Variants in UBA6 observed in about 807,000 individuals in gnomAD.
UBA6 encodes the protein ubiquitin like modifier activating enzyme 6.
A neutral mutation model predicts 148.3 loss-of-function variants in UBA6; 87 were observed. The ratio of observed to expected loss-of-function variants is 0.59; its 90% confidence interval spans 0.49 to 0.70. UBA6 has a LOEUF of 0.70. Ranked by LOEUF, UBA6 falls within the 30% of genes least tolerant of loss-of-function variation. The pLI is 0.00. For synonymous variants in UBA6, 376 were observed against 401.0 expected, an observed-to-expected ratio of 0.94 and a Z score of 0.75; for missense variants, 1,186 against 1,241.2, an observed-to-expected ratio of 0.96 and a Z score of 0.67.
At chr4:67,677,096 G>C (rs149635941) in intron 6 of UBA6, among the ~76,000 whole-genome samples, 1 of 152,302 alleles carries the variant, frequency 6.6e-6, no homozygotes, top group East Asian at 1.9e-4. Context: ...CTTTAGGCTT[G>C]ATAACATTGA....
chr4:67,668,161 TCTCCCTG>T (rs1730054731), intron 9 of UBA6, among the ~76,000 whole-genome samples: 1 of 152,210 alleles, frequency 6.6e-6, no homozygotes, highest in Non-Finnish European at 1.5e-5. Context: ...TGAGCTTAAT[TCTCCCTG>T]CCAGCCCTGC....
At chr4:67,665,927 A>G (rs577837376) in intron 9 of UBA6, among the ~76,000 whole-genome samples, 3 of 152,298 alleles carry the variant, frequency 2.0e-5, no homozygotes, top group South Asian at 4.1e-4. Context: ...AACAACCATA[A>G]AAGAAAATAT....
In UBA6 at chr4:67,668,597, T is replaced by G. The variant is rs763438976; in HGVS notation, c.747A>C (p.Glu249Asp). The change falls in exon 9 of 33, where the codon GAA (glutamate) becomes GAC (aspartate). Residue 249 changes from glutamate (E) to aspartate (D), a missense_variant. Glu to Asp is a conservative substitution (Grantham distance 45). Transcript: ENST00000322244. ...CATTTAAACCTGTCATTCCATTAAT[T>G]TCTCGAAATGTTAGGAATTGTCCTG... is the stretch of plus-strand genomic sequence containing the variant. The part of the protein sequence containing the change: ...LETGQFLTFR[E>D]INGMTGLNGS... The G allele has an allele frequency of 1.2e-6, 2 of 1,613,136 alleles. No individual in the cohort carries two copies. The highest frequency in any genetic ancestry group is 1.7e-6 in the Non-Finnish European group (2 of 1,179,196).
intron 2 of UBA6, among the ~76,000 whole-genome samples, chr4:67,692,728 A>G (rs1415303993): frequency 6.6e-6 from 1 of 152,160 alleles, no homozygotes; most frequent in Non-Finnish European, 1.5e-5. Context: ...AACATCTCAA[A>G]TTCAGCTTCT....
intron 3 of UBA6, 65 bp from the exon 4 acceptor site, chr4:67,681,656 G>A (rs529673976): frequency 9.0e-7 from 1 of 1,107,726 alleles, no homozygotes; most frequent in South Asian, 1.5e-5. Flanking sequence ...TGTCTTCACA[G>A]AGCTTAGTCA....
rs146349248 is a variant in UBA6, at chr4:67,688,498, A to C, written c.135-6285T>G. Reference sequence around the variant, plus strand: ...AACCCCTCTGAGAGAGACAGAATGCAGAATACTATCAGAGGCAGTCCAAAA... The same window carrying C: ...AACCCCTCTGAGAGAGACAGAATGCCGAATACTATCAGAGGCAGTCCAAAA... On this transcript the variant is annotated intron_variant, in intron 2 of 32. Coordinates refer to ENST00000322244, the MANE Select transcript of UBA6 (RefSeq NM_018227.6). Among the ~76,000 whole-genome samples the C allele has an allele frequency of 1.4e-4, 22 of 152,220 alleles. No homozygotes were observed. The East Asian group carries it at 4.2e-3, about 29-fold the overall frequency.
Position 67,648,636 on chromosome 4 carries a change from A to G in UBA6, c.1248+432T>C, listed in dbSNP as rs543352400. On this transcript the variant is annotated intron_variant, in intron 14 of 32. Transcript: ENST00000322244. Reference sequence around the variant, plus strand: ...TTCCATCTTGTGATGTTCATACCCCATGTAACTCTAAAACCTGTACCACTC... The same window carrying G: ...TTCCATCTTGTGATGTTCATACCCCGTGTAACTCTAAAACCTGTACCACTC... Among the ~76,000 whole-genome samples, 19 of 152,252 alleles carry G rather than the reference A, an allele frequency of 1.2e-4. No homozygotes were observed. The East Asian group carries it at 3.3e-3, about 26-fold the overall frequency.
At chr4:67,686,816 T>C (rs1182379725) in intron 2 of UBA6, among the ~76,000 whole-genome samples, 1 of 151,356 alleles carries the variant, frequency 6.6e-6, no homozygotes, top group African/African-American at 2.4e-5. Flanking sequence ...TAGCCAGGTG[T>C]GGTGGCACAC....
rs747921675 is a variant in UBA6 at position 67,634,293 on chromosome 4, T to C, written c.1962A>G (p.Ser654=). The change falls in exon 22 of 33, where the codon TCA becomes TCG. Residue 654 remains serine, a synonymous_variant. Transcript: ENST00000322244. Reference sequence around the variant, plus strand: ...AGGTTTGCCAAAATTTGTTAAACAATGAAGGTTTGTGGGAAAAGGAACTTT... The same window carrying C: ...AGGTTTGCCAAAATTTGTTAAACAACGAAGGTTTGTGGGAAAAGGAACTTT... The part of the protein sequence containing the change: ...KFESSFSHKP[S]LFNKFWQTYS... 6.3e-7 allele frequency: 1 copy of C among 1,595,372 alleles called. No individual in the cohort carries two copies. The highest frequency in any genetic ancestry group is 8.5e-7 in the Non-Finnish European group (1 of 1,175,132).
intron 19 of UBA6, among the ~76,000 whole-genome samples, chr4:67,636,300 T>A (rs1431922267): frequency 6.6e-6 from 1 of 152,150 alleles, no homozygotes; most frequent in African/African-American, 2.4e-5. Context: ...GTTATGAAAA[T>A]CACCATAGGA....
At chr4:67,634,390 C>A (rs778705204) in intron 21 of UBA6, 39 bp downstream of exon 21, 2 of 1,555,646 alleles carry the variant, frequency 1.3e-6, no homozygotes, top group South Asian at 2.5e-5. Context: ...TATCTTCTTT[C>A]TCACTTCAAA....
chr4:67,622,690 G>T, intron 32 of UBA6, 141 bp downstream of exon 32: 1 of 593,636 alleles, frequency 1.7e-6, no homozygotes, highest in Non-Finnish European at 2.8e-6. Context: ...TCACCTGGCA[G>T]ATTCACTGTC....
chr4:67,689,083 G>A (rs985206010), intron 2 of UBA6, among the ~76,000 whole-genome samples: 1 of 152,040 alleles, frequency 6.6e-6, no homozygotes, highest in Non-Finnish European at 1.5e-5. Context: ...CAACCGTTCT[G>A]ATTTTTACTT....
chr4:67,645,116 T>A (rs1480122441), intron 16 of UBA6, among the ~76,000 whole-genome samples: 1 of 152,208 alleles, frequency 6.6e-6, no homozygotes, highest in African/African-American at 2.4e-5. Flanking sequence ...CTAAAATTGA[T>A]AATACTAGAT....
intron 14 of UBA6, among the ~76,000 whole-genome samples, chr4:67,647,564 C>T (rs1251734451): frequency 6.6e-6 from 1 of 151,918 alleles, no homozygotes; most frequent in Non-Finnish European, 1.5e-5. Context: ...ATTTCACACA[C>T]TATAGGAAAA....
intron 32 of UBA6, among the ~76,000 whole-genome samples, chr4:67,620,315 A>G (rs1294982580): frequency 6.6e-6 from 1 of 152,232 alleles, no homozygotes; most frequent in Non-Finnish European, 1.5e-5. Context: ...TTTAGCTGCA[A>G]AGACTGTTGC....
At chr4:67,686,741 C>T (rs1334405458) in intron 2 of UBA6, among the ~76,000 whole-genome samples, 2 of 151,450 alleles carry the variant, frequency 1.3e-5, no homozygotes, top group East Asian at 2.0e-4. Flanking sequence ...CACTTGAGAC[C>T]AGGAGTTTGA....
chr4:67,687,222 G>C (rs1034970869), intron 2 of UBA6, among the ~76,000 whole-genome samples: 19 of 151,858 alleles, frequency 1.3e-4, no homozygotes, highest in African/African-American at 4.1e-4. Context: ...TTTTAGTAGA[G>C]AGGGGGTTTC....
intron 13 of UBA6, among the ~76,000 whole-genome samples, chr4:67,660,828 G>C (rs562858825): frequency 6.6e-6 from 1 of 152,190 alleles, no homozygotes; most frequent in Non-Finnish European, 1.5e-5. Context: ...GAAAGCAGTC[G>C]GAAGGGGGGC....
Sources: gnomAD v4.1 joint callset for allele counts (sites outside exome capture counted in the v4.1 genomes callset) on GRCh38, gnomAD v4.1.1 for gene constraint, MANE v1.5 for transcripts, NCBI Gene and HGNC (gene_info 2026-07-23, HGNC 2026-07-21) for gene names.